The following CBX1 variants were observed in gnomAD, a reference collection of about 807,000 sequenced individuals.
CBX1 encodes chromobox 1.
A neutral mutation model predicts 25.1 loss-of-function variants in CBX1; 10 were observed. The observed-to-expected ratio is 0.40, with a 90% CI of 0.25 to 0.68. The LOEUF (loss-of-function observed/expected upper bound fraction) is 0.68, where lower values mean the gene tolerates loss of function less well. CBX1 is among the 30% of genes least tolerant of loss of function. The probability of loss-of-function intolerance (pLI) is 0.40; values close to 1 mark genes in which losing one functional copy is unlikely to be tolerated. For synonymous variants in CBX1, 63 were observed against 79.4 expected, an observed-to-expected ratio of 0.79 and a Z score of 1.10; for missense variants, 106 against 218.5, an observed-to-expected ratio of 0.49 and a Z score of 3.25.
intron 3 of CBX1, among the ~76,000 whole-genome samples, chr17:48,075,479 C>T (rs1377218821): frequency 6.6e-6 from 1 of 152,190 alleles, no homozygotes; most frequent in African/African-American, 2.4e-5. Context: ...AGGTGTGAGC[C>T]ACCGTGCCCG....
intron 1 of CBX1, among the ~76,000 whole-genome samples, chr17:48,086,248 T>C (rs533616822): frequency 2.0e-5 from 3 of 152,208 alleles, no homozygotes; most frequent in South Asian, 2.1e-4. Context: ...AGCTAGAAAA[T>C]GTAAAGAAGC....
At chr17:48,094,114 CAAAAAA>C (rs11459504) in intron 1 of CBX1, among the ~76,000 whole-genome samples, 36 of 50,836 alleles carry the variant, frequency 7.1e-4, no homozygotes, top group South Asian at 2.2e-3. Flanking sequence ...AACTCTGTCT[CAAAAAA>C]AAAAAAAAAA....
At chr17:48,074,934 G>T in intron 4 of CBX1, 72 bp downstream of exon 4, 1 of 1,067,808 alleles carries the variant, frequency 9.4e-7, no homozygotes, top group Non-Finnish European at 1.5e-6. Context: ...CGAAGGTCCA[G>T]CTCTTTTCCT....
intron 1 of CBX1, among the ~76,000 whole-genome samples, chr17:48,097,572 G>A (rs369119071): frequency 2.0e-5 from 3 of 150,252 alleles, no homozygotes; most frequent in Non-Finnish European, 2.9e-5. Flanking sequence ...AGCTGAGATC[G>A]CGCCACTGCA....
At chr17:48,071,720 A>G in intron 4 of CBX1, 141 bp from the exon 5 acceptor site, 1 of 610,508 alleles carries the variant, frequency 1.6e-6, no homozygotes, top group Non-Finnish European at 2.7e-6. Context: ...CCCAAGCAGC[A>G]TTTACTGGCA....
chr17:48,093,270 G>A (rs116970602), intron 1 of CBX1, among the ~76,000 whole-genome samples: 23,363 of 145,600 alleles, frequency 0.16, 1,928 homozygotes, highest in Middle Eastern at 0.18. Flanking sequence ...GCGAGACTCT[G>A]TCTCAAAAAT....
intron 1 of CBX1, among the ~76,000 whole-genome samples, chr17:48,089,394 C>G (rs926746013): frequency 6.6e-6 from 1 of 150,486 alleles, no homozygotes; most frequent in African/African-American, 2.4e-5. Flanking sequence ...AGCCACCGCG[C>G]CTGGCCAGGC....
chr17:48,073,036 C>T (rs1213904786), intron 4 of CBX1, among the ~76,000 whole-genome samples: 1 of 151,908 alleles, frequency 6.6e-6, no homozygotes, highest in African/African-American at 2.4e-5. Context: ...GCACAAGAAT[C>T]GCTTGAACCT....
intron 1 of CBX1, among the ~76,000 whole-genome samples, chr17:48,080,587 AAACACTGTAAAACT>A (rs1240472024): frequency 4.7e-4 from 71 of 151,840 alleles, no homozygotes; most frequent in Non-Finnish European, 4.4e-5. Flanking sequence ...TAAGTTTTCT[AAACACTGTAAAACT>A]GGCATGTATA....
intron 1 of CBX1, among the ~76,000 whole-genome samples, chr17:48,089,999 C>T (rs1419561967): frequency 2.6e-5 from 4 of 151,298 alleles, no homozygotes; most frequent in Non-Finnish European, 4.4e-5. Context: ...CGGCTCACTG[C>T]AACCTCCGCC....
chr17:48,071,595 A>G lies in CBX1; in HGVS notation c.414-16T>C, dbSNP rs1420816978. ...AGAGTTTTTCCTGCAGAATAAAGCA[A>G]AGAGAGACTTTGAGACCAGGTGCTG... On this transcript the variant is annotated splice_polypyrimidine_tract_variant and intron_variant, in intron 4 of 4. Coordinates refer to ENST00000225603, the MANE Select transcript of CBX1 (RefSeq NM_001127228.2). The G allele has an allele frequency of 3.2e-6, 5 of 1,584,472 alleles. No individual in the cohort carries two copies. The highest frequency in any genetic ancestry group is 1.7e-4 in the Middle Eastern group (1 of 5,906).
chr17:48,091,514 A>G (rs1348462921), intron 1 of CBX1, among the ~76,000 whole-genome samples: 1 of 146,026 alleles, frequency 6.8e-6, no homozygotes, highest in African/African-American at 2.5e-5. Context: ...AGCTGGGATT[A>G]CAGGTGCCCG....
At chr17:48,078,279 G>C (rs1264534413) in intron 1 of CBX1, among the ~76,000 whole-genome samples, 1 of 151,334 alleles carries the variant, frequency 6.6e-6, no homozygotes, top group Non-Finnish European at 1.5e-5. Context: ...TGCAAGCTCC[G>C]CCTCCTGGGT....
chr17:48,094,590 G>A (rs2063362328), intron 1 of CBX1, among the ~76,000 whole-genome samples: 1 of 151,668 alleles, frequency 6.6e-6, no homozygotes, highest in Non-Finnish European at 1.5e-5. Flanking sequence ...AAAAAAATTA[G>A]CCAGCATGGC....
Position 48,080,983 on chromosome 17 carries a change from TATATATATATAA to T in CBX1, c.-37-3954_-37-3943del, listed in dbSNP as rs1197290671. ...ATATATATATATATATATATATATA[TATATATATATAA>T]AATTTGTCTTAGAAAAATAAATAGC... On this transcript the variant is annotated intron_variant, in intron 1 of 4. Coordinates refer to ENST00000225603, the MANE Select transcript of CBX1 (RefSeq NM_001127228.2). Among the ~76,000 whole-genome samples, 272 of 62,848 alleles carry T rather than the reference TATATATATATAA, an allele frequency of 4.3e-3. 6 individuals carry two copies. The highest frequency in any genetic ancestry group is 0.02 in the African/African-American group (235 of 11,628). 41.2% of individuals were successfully genotyped at this position (62,848 alleles called of 152,430 possible).
At chr17:48,080,569 G>A (rs1403326138) in intron 1 of CBX1, among the ~76,000 whole-genome samples, 1 of 151,694 alleles carries the variant, frequency 6.6e-6, no homozygotes, top group African/African-American at 2.4e-5. Flanking sequence ...CTTACTTAGT[G>A]TAATCATTAA....
intron 1 of CBX1, among the ~76,000 whole-genome samples, chr17:48,095,261 T>C (rs2063367604): frequency 2.0e-5 from 3 of 152,152 alleles, no homozygotes; most frequent in African/African-American, 7.2e-5. Flanking sequence ...GTCTGGAACC[T>C]GAACAAGTTG....
Position 48,071,177 on chromosome 17 carries a change from C to CTTTGCTTTTCGCAGCA in CBX1, c.*242_*257dup. 3.2e-6 allele frequency: 1 copy of CTTTGCTTTTCGCAGCA among 315,796 alleles called. No homozygotes were observed. Among genetic ancestry groups the CTTTGCTTTTCGCAGCA allele is most frequent in the East Asian group, 5.4e-5 (1 of 18,482 alleles). The allele number at this position is 315,796 out of a possible 1,614,324, so 19.6% of individuals were successfully genotyped here. Reference sequence around the variant, plus strand: ...CAAGTTTTGTCCTTCATAGAAGGCCCTTTGCTTTTCGCAGCAAAGTGCAGA... The same window carrying CTTTGCTTTTCGCAGCA: ...CAAGTTTTGTCCTTCATAGAAGGCCCTTTGCTTTTCGCAGCATTTGCTTTTCGCAGCAAAGTGCAGA... On this transcript the variant is annotated 3_prime_UTR_variant, in exon 5 of 5. Coordinates refer to ENST00000225603, the MANE Select transcript of CBX1 (RefSeq NM_001127228.2).
intron 1 of CBX1, among the ~76,000 whole-genome samples, chr17:48,077,430 G>GTTTTTTTTTTTTT (rs1225892452): frequency 1.8e-5 from 1 of 56,454 alleles, no homozygotes; most frequent in African/African-American, 1.0e-4. Flanking sequence ...GCTAATTTTT[G>GTTTTTTTTTTTTT]TTGTTTTTTT....
Sources: gnomAD v4.1 joint callset for allele counts (sites outside exome capture counted in the v4.1 genomes callset) on GRCh38, gnomAD v4.1.1 for gene constraint, MANE v1.5 for transcripts, NCBI Gene and HGNC (gene_info 2026-07-23, HGNC 2026-07-21) for gene names.